The following SND1 variants were observed in gnomAD, a reference collection of about 807,000 sequenced individuals.
SND1 encodes the protein staphylococcal nuclease and tudor domain containing 1, also known as staphylococcal nuclease domain-containing protein 1.
A neutral mutation model predicts 121.7 loss-of-function variants in SND1; 38 were observed. That is an observed-to-expected ratio of 0.31 (90% confidence interval 0.24 to 0.41). SND1 has a LOEUF of 0.41. Ranked by LOEUF, SND1 falls within the 10% of genes least tolerant of loss-of-function variation. The pLI, the probability that SND1 is intolerant of heterozygous loss-of-function variation, is 1.00. For missense variants in SND1, 868 were observed against 1,184.6 expected (o/e 0.73, Z 3.92); for synonymous variants, 401 against 447.4 (o/e 0.90, Z 1.31).
Position 128,029,436 on chromosome 7 carries a change from G to A in SND1, c.1779+38380G>A. On this transcript the variant is annotated intron_variant, in intron 16 of 23. Transcript: ENST00000354725. The surrounding 1 kb of genome is among the most constrained non-coding windows in gnomAD (Gnocchi z 4.2). ...GTTCAAGGTGCCGTCGTTGAGGACA[G>A]AGATCCTTGGGTGGCGGGAGGCGTG... is the stretch of plus-strand genomic sequence containing the variant. 1 of 1,614,256 alleles carries A rather than the reference G, an allele frequency of 6.2e-7. No homozygotes were observed. Among genetic ancestry groups the A allele is most frequent in the South Asian group, 1.1e-5 (1 of 91,084 alleles).
chr7:127,909,794 G>A (rs1320744731), intron 14 of SND1, among the ~76,000 whole-genome samples: 1 of 152,208 alleles, frequency 6.6e-6, no homozygotes, highest in Non-Finnish European at 1.5e-5. Context: ...CAGGGCACAG[G>A]GGAAGAAGGT....
At chr7:128,028,589 T>C in intron 16 of SND1, 2 of 1,231,058 alleles carry the variant, frequency 1.6e-6, no homozygotes, top group Non-Finnish European at 2.3e-6. Context: ...TATAAGCATA[T>C]ACAAGAAAAA....
chr7:128,034,912 C>T (rs1312365027), intron 16 of SND1, among the ~76,000 whole-genome samples: 2 of 152,188 alleles, frequency 1.3e-5, no homozygotes, highest in African/African-American at 2.4e-5. Context: ...CCTCACAGCC[C>T]GTGGCTCTGA....
chr7:127,698,971 C>G lies in SND1; in HGVS notation c.428+18C>G. 1.9e-6 allele frequency: 3 copies of G among 1,598,250 alleles called. No homozygotes were observed. Among genetic ancestry groups the G allele is most frequent in the Non-Finnish European group, 2.6e-6 (3 of 1,166,076 alleles). On this transcript the variant is annotated intron_variant, in intron 4 of 23. Coordinates refer to ENST00000354725, the MANE Select transcript of SND1 (RefSeq NM_014390.4). ...GCTAATAAGTAAGTATTCATTACTC[C>G]GCTGTCTCTCTGACAGCGGTAAATT...
chr7:128,018,044 C>G (rs1803264521), intron 16 of SND1, among the ~76,000 whole-genome samples: 1 of 152,242 alleles, frequency 6.6e-6, no homozygotes, highest in African/African-American at 2.4e-5. Context: ...CCCTCTGTCT[C>G]CTGCCAAGCT....
intron 16 of SND1, among the ~76,000 whole-genome samples, chr7:128,010,725 CAG>C (rs1803095901): frequency 6.6e-6 from 1 of 152,262 alleles, no homozygotes; most frequent in Non-Finnish European, 1.5e-5. Flanking sequence ...TTGGCTTAGG[CAG>C]TGGGTCCATA....
At chr7:127,884,417 A>G (rs79108137) in intron 12 of SND1, among the ~76,000 whole-genome samples, 263 of 152,234 alleles carry the variant, frequency 1.7e-3, no homozygotes, top group Admixed American at 3.6e-3. Flanking sequence ...CTGTGCTTTG[A>G]AATCAATCAC....
At position 128,085,589 on chromosome 7, in the gene SND1, CCT is replaced by C. The variant is rs1168472430; in HGVS notation, c.2235-121_2235-120del. The C allele has an allele frequency of 3.7e-6, 3 of 814,314 alleles. No homozygotes were observed. Among genetic ancestry groups the C allele is most frequent in the East Asian group, 2.4e-5 (1 of 41,078 alleles). 50.4% of individuals were successfully genotyped at this position (814,314 alleles called of 1,614,324 possible). A position where few individuals can be genotyped will look rare whatever the true frequency, so the allele number is the denominator to read the frequency against. On this transcript the variant is annotated intron_variant, in intron 19 of 23. Transcript: ENST00000354725. The surrounding 1 kb of genome is among the most constrained non-coding windows in gnomAD (Gnocchi z 4.4). The stretch of plus-strand genomic sequence containing the variant: ...CCTAGATGGAGTGCAGTTACTGTCC[CCT>C]GTGACACCCGTTGAACCCAGGCAGG...
At chr7:127,853,575 A>G (rs1799214524) in intron 12 of SND1, among the ~76,000 whole-genome samples, 1 of 152,132 alleles carries the variant, frequency 6.6e-6, no homozygotes, top group Non-Finnish European at 1.5e-5. Context: ...CTCCTCTAGA[A>G]GAGGAGAAGG....
chr7:127,802,901 C>T (rs1288990717), intron 10 of SND1, among the ~76,000 whole-genome samples: 1 of 152,186 alleles, frequency 6.6e-6, no homozygotes, highest in African/African-American at 2.4e-5. Context: ...AACGTTCCAT[C>T]CGTCTTCTTT....
intron 21 of SND1, among the ~76,000 whole-genome samples, chr7:128,088,011 C>T (rs1368349381): frequency 6.6e-6 from 1 of 152,168 alleles, no homozygotes; most frequent in African/African-American, 2.4e-5. Context: ...TGCGTGATCA[C>T]CATGGTTGGC....
rs1003769746 is a variant in SND1 at position 127,753,195 on chromosome 7, G to T, written c.1152+31795G>T. On this transcript the variant is annotated intron_variant, in intron 10 of 23. Coordinates refer to ENST00000354725, the MANE Select transcript of SND1 (RefSeq NM_014390.4). ...CCTGTTAAGTGTCTTGTTTGACTCAGAGTTTGATGTAGAAGAGACTGGGTT... is the reference window on the plus strand; with the variant it reads ...CCTGTTAAGTGTCTTGTTTGACTCATAGTTTGATGTAGAAGAGACTGGGTT... Among the ~76,000 whole-genome samples the T allele has an allele frequency of 7.2e-5, 11 of 152,318 alleles. No individual in the cohort carries two copies. In the South Asian group the frequency reaches 1.2e-3, roughly 17 times the overall value.
At chr7:128,074,416 T>C (rs1480735847) in intron 16 of SND1, 86 bp from the exon 17 acceptor site, 2 of 1,390,770 alleles carry the variant, frequency 1.4e-6, no homozygotes, top group East Asian at 2.4e-5. Context: ...AGCCCAAGGC[T>C]TCGGCGCTGC....
intron 10 of SND1, among the ~76,000 whole-genome samples, chr7:127,800,977 C>T (rs1798116625): frequency 1.3e-5 from 2 of 152,170 alleles, no homozygotes; most frequent in African/African-American, 4.8e-5. Context: ...TTTTTTCAGT[C>T]TGTCCATTTG....
At chr7:127,925,718 C>T (rs753221122) in intron 14 of SND1, among the ~76,000 whole-genome samples, 1 of 151,712 alleles carries the variant, frequency 6.6e-6, no homozygotes, top group Non-Finnish European at 1.5e-5. Context: ...ATTCTCCTGC[C>T]TCAGCCTCCC....
intron 1 of SND1, among the ~76,000 whole-genome samples, chr7:127,662,867 A>G (rs1242857183): frequency 6.6e-6 from 1 of 150,834 alleles, no homozygotes; most frequent in Non-Finnish European, 1.5e-5. Flanking sequence ...ATTTGCACAT[A>G]ACCCGTGCAC....
intron 12 of SND1, among the ~76,000 whole-genome samples, chr7:127,867,312 G>A (rs180846618): frequency 2.6e-5 from 4 of 152,114 alleles, no homozygotes; most frequent in East Asian, 1.9e-4. Context: ...ACACTTTCGT[G>A]GATTTCCTTC....
intron 18 of SND1, among the ~76,000 whole-genome samples, chr7:128,083,400 G>A (rs536159852): frequency 1.3e-5 from 2 of 152,350 alleles, no homozygotes; most frequent in East Asian, 3.9e-4. Flanking sequence ...GAATTATAGA[G>A]GGCTGACCAC....
chr7:127,682,446 C>T (rs1027386058), intron 1 of SND1, among the ~76,000 whole-genome samples: 3 of 152,140 alleles, frequency 2.0e-5, no homozygotes, highest in African/African-American at 7.2e-5. Context: ...TATTGTGACA[C>T]CTGGTTTCAC....
Sources: gnomAD v4.1 joint callset for allele counts (sites outside exome capture counted in the v4.1 genomes callset) on GRCh38, gnomAD v4.1.1 for gene constraint, Gnocchi (gnomAD v3.1) non-coding constraint, MANE v1.5 for transcripts, NCBI Gene and HGNC (gene_info 2026-07-23, HGNC 2026-07-21) for gene names.